STEAP2: variants seen among roughly 807,000 people sequenced by gnomAD.
STEAP2 encodes metalloreductase STEAP2.
STEAP2 carries 30 observed loss-of-function variants against 46.4 expected under a neutral mutation model. That is an observed-to-expected ratio of 0.65 (90% CI 0.48 to 0.88). The LOEUF (loss-of-function observed/expected upper bound fraction) is 0.88, where lower values mean the gene tolerates loss of function less well. Ranked by LOEUF, STEAP2 falls within the 40% of genes least tolerant of loss-of-function variation. STEAP2 has a pLI of 0.00. For missense variants in STEAP2, 513 were observed against 579.3 expected (o/e 0.89, Z 1.18); for synonymous variants, 180 against 200.5 (o/e 0.90, Z 0.86).
intron 2 of STEAP2, among the ~76,000 whole-genome samples, chr7:90,221,939 A>C (rs1222082692): frequency 1.3e-5 from 2 of 152,166 alleles, no homozygotes; most frequent in Non-Finnish European, 1.5e-5. Context: ...CTTGATCATC[A>C]TGAGTGTTAG....
chr7:90,220,383 A>ATCCATTTCC (rs761013459), intron 2 of STEAP2, among the ~76,000 whole-genome samples: 10 of 152,086 alleles, frequency 6.6e-5, no homozygotes, highest in Admixed American at 1.3e-4. Context: ...GTAGCAGTTT[A>ATCCATTTCC]TCCATTTCCT....
intron 2 of STEAP2, among the ~76,000 whole-genome samples, chr7:90,223,942 C>T (rs1368773297): frequency 6.6e-6 from 1 of 152,128 alleles, no homozygotes; most frequent in Non-Finnish European, 1.5e-5. Context: ...AACCTCTACC[C>T]CAAATGACTT....
rs980826807 is a variant in STEAP2 at position 90,234,475 on chromosome 7, G to C, written c.*1851G>C. ...CACCAGTGACTCTTTTTCTACAACTGCCTTGTCAGTTTGGTAATTCACTTA... is the reference window on the plus strand; with the variant it reads ...CACCAGTGACTCTTTTTCTACAACTCCCTTGTCAGTTTGGTAATTCACTTA... On this transcript the variant is annotated 3_prime_UTR_variant, in exon 6 of 6. Transcript: ENST00000394621. The C allele has an allele frequency of 1.9e-5, 19 of 983,918 alleles. No individual in the cohort carries two copies. Among genetic ancestry groups the C allele is most frequent in the Non-Finnish European group, 2.2e-5 (18 of 829,588 alleles). 60.9% of individuals were successfully genotyped at this position (983,918 alleles called of 1,614,324 possible).
Position 90,232,850 on chromosome 7 carries a change from T to C in STEAP2, c.*226T>C. On this transcript the variant is annotated 3_prime_UTR_variant, in exon 6 of 6. Coordinates refer to ENST00000394621, the MANE Select transcript of STEAP2 (RefSeq NM_001244944.2). ...AACATATTATTGTAATTTAGGTATG[T>C]TTTGTTTTGTTTTGCACAACTGTAA... The C allele has an allele frequency of 4.2e-6, 5 of 1,183,270 alleles. No homozygotes were observed. Among genetic ancestry groups the C allele is most frequent in the Non-Finnish European group, 5.2e-6 (5 of 952,562 alleles). 73.3% of individuals were successfully genotyped at this position (1,183,270 alleles called of 1,614,324 possible).
rs1795841515 is a variant in STEAP2, at chr7:90,233,512, T to C, written c.*888T>C. ...CTTAACCAGTCACCACTTGCTATGGTATAGGATTATACTGATGTTCTTTGA... is the reference window on the plus strand; with the variant it reads ...CTTAACCAGTCACCACTTGCTATGGCATAGGATTATACTGATGTTCTTTGA... On this transcript the variant is annotated 3_prime_UTR_variant, in exon 6 of 6. Transcript: ENST00000394621. 1 of 985,304 alleles carries C rather than the reference T, an allele frequency of 1.0e-6. No individual in the cohort carries two copies. The highest frequency in any genetic ancestry group is 1.7e-5 in the African/African-American group (1 of 57,230). 61.0% of individuals were successfully genotyped at this position (985,304 alleles called of 1,614,324 possible). A position where few individuals can be genotyped will look rare whatever the true frequency, so the allele number is the denominator to read the frequency against.
At position 90,235,947 on chromosome 7, in the gene STEAP2, C is replaced by A. The variant is rs1157092716; in HGVS notation, c.*3323C>A. 10 of 983,980 alleles carry A rather than the reference C, an allele frequency of 1.0e-5. No individual in the cohort carries two copies. The highest frequency in any genetic ancestry group is 3.5e-5 in the African/African-American group (2 of 57,194). 61.0% of individuals were successfully genotyped at this position (983,980 alleles called of 1,614,324 possible). A position where few individuals can be genotyped will look rare whatever the true frequency, so the allele number is the denominator to read the frequency against. ...TAGTGTTAAACTACCTGATTAATTT[C>A]TTATAAAGCAGCATAACCTTGGCTT... On this transcript the variant is annotated 3_prime_UTR_variant, in exon 6 of 6. Transcript: ENST00000394621.
chr7:90,237,987 T>G, downstream of STEAP2: 1 of 703,902 alleles, frequency 1.4e-6, no homozygotes, highest in Non-Finnish European at 2.6e-6. Context: ...AAAGAGATAT[T>G]ATAATAAATA....
chr7:90,219,996 G>C (rs1320160213), intron 2 of STEAP2, among the ~76,000 whole-genome samples: 2 of 152,128 alleles, frequency 1.3e-5, no homozygotes, highest in African/African-American at 4.8e-5. Flanking sequence ...CAAAGTGCTG[G>C]GATTACAGGC....
Position 90,235,561 on chromosome 7 carries a change from G to A in STEAP2, c.*2937G>A. The A allele has an allele frequency of 2.0e-6, 2 of 984,788 alleles. No homozygotes were observed. Among genetic ancestry groups the A allele is most frequent in the Non-Finnish European group, 2.4e-6 (2 of 829,820 alleles). 61.0% of individuals were successfully genotyped at this position (984,788 alleles called of 1,614,324 possible). On this transcript the variant is annotated 3_prime_UTR_variant, in exon 6 of 6. Coordinates refer to ENST00000394621, the MANE Select transcript of STEAP2 (RefSeq NM_001244944.2). Reference sequence around the variant, plus strand: ...TGCTACCTGGTCTGTGTTTTGAGAAGTGCCCCTTAGAAAGTTAAAAGAATG... The same window carrying A: ...TGCTACCTGGTCTGTGTTTTGAGAAATGCCCCTTAGAAAGTTAAAAGAATG...
rs1193307172 is a variant in STEAP2, at chr7:90,235,202, T to C, written c.*2578T>C. The stretch of plus-strand genomic sequence containing the variant: ...CAGATAAATGGGGCCTTTAAAAATA[T>C]GAAAAACAAACTTGTGAAAATGTAT... On this transcript the variant is annotated 3_prime_UTR_variant, in exon 6 of 6. Coordinates refer to ENST00000394621, the MANE Select transcript of STEAP2 (RefSeq NM_001244944.2). 1 of 982,920 alleles carries C rather than the reference T, an allele frequency of 1.0e-6. No homozygotes were observed. Among genetic ancestry groups the C allele is most frequent in the Non-Finnish European group, 1.2e-6 (1 of 827,730 alleles). 60.9% of individuals were successfully genotyped at this position (982,920 alleles called of 1,614,324 possible).
At position 90,233,176 on chromosome 7, in the gene STEAP2, CA is replaced by C. The variant is rs141168527; in HGVS notation, c.*554del. On this transcript the variant is annotated 3_prime_UTR_variant, in exon 6 of 6. Transcript: ENST00000394621. ...GAAGGATGAAATTAATTGTATGAAGCAATGTGATTATATGAAGAGACACAAA... is the reference window on the plus strand; with the variant it reads ...GAAGGATGAAATTAATTGTATGAAGCATGTGATTATATGAAGAGACACAAA... 3.7e-3 allele frequency: 3,629 copies of C among 978,390 alleles called. 93 individuals are homozygous for C. In the African/African-American group the frequency reaches 0.059, roughly 16 times the overall value. The allele number at this position is 978,390 out of a possible 1,614,324, so 60.6% of individuals were successfully genotyped here.
chr7:90,222,813 T>C (rs1182377254), intron 2 of STEAP2, among the ~76,000 whole-genome samples: 2 of 152,188 alleles, frequency 1.3e-5, no homozygotes, highest in Non-Finnish European at 2.9e-5. Flanking sequence ...TTCCTGGCTG[T>C]AGTCATTTCA....
At position 90,233,130 on chromosome 7, in the gene STEAP2, T is replaced by A; in HGVS notation, c.*506T>A. The A allele has an allele frequency of 1.0e-6, 1 of 985,150 alleles. No homozygotes were observed. Among genetic ancestry groups the A allele is most frequent in the Non-Finnish European group, 1.2e-6 (1 of 829,702 alleles). 61.0% of individuals were successfully genotyped at this position (985,150 alleles called of 1,614,324 possible). A position where few individuals can be genotyped will look rare whatever the true frequency, so the allele number is the denominator to read the frequency against. On this transcript the variant is annotated 3_prime_UTR_variant, in exon 6 of 6. Coordinates refer to ENST00000394621, the MANE Select transcript of STEAP2 (RefSeq NM_001244944.2). ...AGGCTGCATGATAGCATTCCTATAT[T>A]TCTCTCATAAAATAGGATTTGAAGG... is the stretch of plus-strand genomic sequence containing the variant.
At position 90,234,060 on chromosome 7, in the gene STEAP2, G is replaced by A. The variant is rs1017554127; in HGVS notation, c.*1436G>A. On this transcript the variant is annotated 3_prime_UTR_variant, in exon 6 of 6. Coordinates refer to ENST00000394621, the MANE Select transcript of STEAP2 (RefSeq NM_001244944.2). ...CCCACGGAGTCTTTCAAAAATCTCT[G>A]TAGAGTTAGTCTTCTCCTTTTCTCT... 16 of 985,254 alleles carry A rather than the reference G, an allele frequency of 1.6e-5. No homozygotes were observed. In the Admixed American group the frequency reaches 3.1e-4, roughly 19 times the overall value. 61.0% of individuals were successfully genotyped at this position (985,254 alleles called of 1,614,324 possible). A position where few individuals can be genotyped will look rare whatever the true frequency, so the allele number is the denominator to read the frequency against.
At chr7:90,230,625 A>G (rs893727866) in intron 5 of STEAP2, among the ~76,000 whole-genome samples, 4 of 152,004 alleles carry the variant, frequency 2.6e-5, no homozygotes, top group African/African-American at 9.7e-5. Context: ...AGGGATTTCA[A>G]ACCACCATTG....
At chr7:90,215,462 TA>T (rs1794976907) in intron 1 of STEAP2, 1 of 152,262 alleles carries the variant, frequency 6.6e-6, no homozygotes, top group Non-Finnish European at 1.5e-5. Context: ...CCTATCAAAA[TA>T]ATACATTCTC....
In STEAP2 at chr7:90,216,277, G is replaced by A. The variant is rs1478793296; in HGVS notation, c.-146-214G>A. On this transcript the variant is annotated intron_variant, in intron 1 of 5. Transcript: ENST00000394621. ...ATATTTGCATTAAAGTTTGACAAGT[G>A]CCTTTCTAGTGAGTCATTCCCTTGG... The A allele has an allele frequency of 3.3e-5, 5 of 152,304 alleles. No homozygotes were observed. The East Asian group carries it at 9.6e-4, about 29-fold the overall frequency. The allele number at this position is 152,304 out of a possible 1,614,324, so 9.4% of individuals were successfully genotyped here. A position where few individuals can be genotyped will look rare whatever the true frequency, so the allele number is the denominator to read the frequency against.
intron 1 of STEAP2, chr7:90,213,771 A>G (rs905676503): frequency 5.3e-5 from 8 of 152,224 alleles, no homozygotes; most frequent in Admixed American, 2.0e-4. Flanking sequence ...GTAAAGAAAC[A>G]ATTATATAAA....
chr7:90,224,605 G>T (rs1267530952), intron 2 of STEAP2, among the ~76,000 whole-genome samples: 1 of 152,168 alleles, frequency 6.6e-6, no homozygotes, highest in Non-Finnish European at 1.5e-5. Context: ...AGTCTCCTGG[G>T]CTAAGCCCCC....
Sources: gnomAD v4.1 joint callset for allele counts (sites outside exome capture counted in the v4.1 genomes callset) on GRCh38, gnomAD v4.1.1 for gene constraint, MANE v1.5 for transcripts, NCBI Gene and HGNC (gene_info 2026-07-23, HGNC 2026-07-21) for gene names.